The following SSBP2 variants were observed in gnomAD, a reference collection of about 807,000 sequenced individuals.
The protein encoded by SSBP2 is single stranded DNA binding protein 2, also known as single-stranded DNA-binding protein 2.
Under a neutral mutation model 61.8 loss-of-function variants are expected in SSBP2, and 17 were observed. The ratio of observed to expected loss-of-function variants is 0.28; its 90% CI spans 0.19 to 0.41. The LOEUF is 0.41. SSBP2 is among the 10% of genes least tolerant of loss of function. SSBP2 has a pLI of 1.00. For synonymous variants in SSBP2, 139 were observed against 141.3 expected (o/e 0.98, Z 0.12); for missense variants, 310 against 458.7 (o/e 0.68, Z 2.96).
chr5:81,633,967 G>T (rs1304041599), intron 3 of SSBP2, among the ~76,000 whole-genome samples: 1 of 152,172 alleles, frequency 6.6e-6, no homozygotes, highest in Non-Finnish European at 1.5e-5. Context: ...TATAGAACTA[G>T]AGTGACATGG....
chr5:81,475,348 T>G (rs1408202995), intron 6 of SSBP2, among the ~76,000 whole-genome samples: 2 of 152,322 alleles, frequency 1.3e-5, no homozygotes, highest in Admixed American at 6.5e-5. Flanking sequence ...CATATGCAAC[T>G]ATTTCAAAAG....
intron 4 of SSBP2, among the ~76,000 whole-genome samples, chr5:81,585,807 C>T (rs1009423376): frequency 3.3e-5 from 5 of 152,096 alleles, no homozygotes; most frequent in African/African-American, 1.2e-4. Flanking sequence ...CAGCATCTCC[C>T]CAGTATCCCT....
intron 15 of SSBP2, among the ~76,000 whole-genome samples, chr5:81,429,875 AG>A (rs1762180652): frequency 6.6e-6 from 1 of 152,184 alleles, no homozygotes; most frequent in Admixed American, 6.5e-5. Flanking sequence ...TGCACCCCGC[AG>A]GGAGGATCTG....
chr5:81,517,645 T>C (rs1027044090), intron 4 of SSBP2, among the ~76,000 whole-genome samples: 1 of 152,048 alleles, frequency 6.6e-6, no homozygotes, highest in East Asian at 1.9e-4. Context: ...TATATCATTC[T>C]ACCCTCTAAG....
At chr5:81,574,637 G>T (rs1774070523) in intron 4 of SSBP2, among the ~76,000 whole-genome samples, 1 of 151,818 alleles carries the variant, frequency 6.6e-6, no homozygotes, top group African/African-American at 2.4e-5. Flanking sequence ...CCTAGTCACA[G>T]AAAGGTAAAA....
chr5:81,636,728 T>A (rs934549799), intron 2 of SSBP2, 110 bp from the exon 3 acceptor site: 2 of 886,734 alleles, frequency 2.3e-6, no homozygotes, highest in Admixed American at 2.8e-5. Flanking sequence ...GAATTTTTCA[T>A]CATTTTCATG....
At chr5:81,597,425 T>C (rs1561585173) in intron 4 of SSBP2, among the ~76,000 whole-genome samples, 1 of 152,166 alleles carries the variant, frequency 6.6e-6, no homozygotes, top group Non-Finnish European at 1.5e-5. Flanking sequence ...GTAAACTAGT[T>C]CAACCATTGT....
At chr5:81,712,859 G>A (rs1019004601) in intron 1 of SSBP2, among the ~76,000 whole-genome samples, 2 of 151,668 alleles carry the variant, frequency 1.3e-5, no homozygotes, top group South Asian at 4.2e-4. Flanking sequence ...CAGCCTCTGG[G>A]ACTACAGGTA....
At chr5:81,469,625 C>T (rs916950676) in intron 8 of SSBP2, among the ~76,000 whole-genome samples, 1 of 151,878 alleles carries the variant, frequency 6.6e-6, no homozygotes, top group African/African-American at 2.4e-5. Flanking sequence ...TTTGTATACC[C>T]AGTGTTCATG....
At chr5:81,439,862 G>A (rs976233072) in intron 14 of SSBP2, among the ~76,000 whole-genome samples, 2 of 151,648 alleles carry the variant, frequency 1.3e-5, no homozygotes, top group Admixed American at 6.6e-5. Context: ...TAGTAGAGAC[G>A]GGGTTTCACC....
Position 81,433,045 on chromosome 5 carries a change from C to T in SSBP2, c.958-4362G>A, listed in dbSNP as rs1248414064. Among the ~76,000 whole-genome samples, 357 of 151,244 alleles carry T rather than the reference C, an allele frequency of 2.4e-3. 1 individual carries two copies. Among genetic ancestry groups the T allele is most frequent in the African/African-American group, 8.2e-3 (336 of 41,206 alleles). On this transcript the variant is annotated intron_variant, in intron 15 of 16. Transcript: ENST00000320672. Reference sequence around the variant, plus strand: ...CCGGGAGGTGAGGGGCGCCTCTGCCCGGCCGCCCCTACTGGGAAGTGAGGA... The same window carrying T: ...CCGGGAGGTGAGGGGCGCCTCTGCCTGGCCGCCCCTACTGGGAAGTGAGGA...
chr5:81,449,577 T>G (rs983031361), intron 10 of SSBP2, among the ~76,000 whole-genome samples: 4 of 152,158 alleles, frequency 2.6e-5, no homozygotes, highest in Admixed American at 2.0e-4. Context: ...AGGGCCAGAA[T>G]AGGACCTTTA....
At chr5:81,433,004 C>T (rs536816579) in intron 15 of SSBP2, among the ~76,000 whole-genome samples, 101 of 151,344 alleles carry the variant, frequency 6.7e-4, no homozygotes, top group Admixed American at 1.2e-3. Flanking sequence ...GACTCCCGCC[C>T]GGCCAGCCGC....
intron 1 of SSBP2, among the ~76,000 whole-genome samples, chr5:81,738,271 C>T (rs897639892): frequency 6.6e-6 from 1 of 152,168 alleles, no homozygotes; most frequent in Non-Finnish European, 1.5e-5. Context: ...CAAATTTACA[C>T]ATTTAGGATA....
At chr5:81,587,781 ACACT>A (rs2153502171) in intron 4 of SSBP2, among the ~76,000 whole-genome samples, 1 of 151,732 alleles carries the variant, frequency 6.6e-6, no homozygotes, top group African/African-American at 2.4e-5. Flanking sequence ...ACACACACAC[ACACT>A]AATGCTTGAA....
At chr5:81,496,748 A>G (rs1383710356) in intron 5 of SSBP2, among the ~76,000 whole-genome samples, 2 of 152,218 alleles carry the variant, frequency 1.3e-5, no homozygotes, top group Non-Finnish European at 2.9e-5. Context: ...TATGTAAAAG[A>G]AAACCGAAGA....
intron 1 of SSBP2, among the ~76,000 whole-genome samples, chr5:81,734,438 T>TA (rs1756462558): frequency 6.6e-6 from 1 of 152,300 alleles, no homozygotes; most frequent in East Asian, 1.9e-4. Context: ...ACACAATTCT[T>TA]AAACATTTCA....
intron 4 of SSBP2, among the ~76,000 whole-genome samples, chr5:81,523,836 T>A (rs2154097246): frequency 6.6e-6 from 1 of 152,030 alleles, no homozygotes; most frequent in African/African-American, 2.4e-5. Flanking sequence ...TAAAATAACC[T>A]TAAAGAGCAT....
Position 81,650,818 on chromosome 5 carries a change from T to C in SSBP2, c.63-479A>G, listed in dbSNP as rs139471438. Among the ~76,000 whole-genome samples the C allele has an allele frequency of 4.9e-3, 746 of 152,264 alleles. 4 individuals are homozygous for C. The highest frequency in any genetic ancestry group is 0.017 in the African/African-American group (697 of 41,568). ...TTGCGTTGAATATCCATTTTAATAT[T>C]TGCTCAGCAACTTCTCCTTATTCTT... On this transcript the variant is annotated intron_variant, in intron 1 of 16. Transcript: ENST00000320672.
Sources: gnomAD v4.1 joint callset for allele counts (sites outside exome capture counted in the v4.1 genomes callset) on GRCh38, gnomAD v4.1.1 for gene constraint, MANE v1.5 for transcripts, NCBI Gene and HGNC (gene_info 2026-07-23, HGNC 2026-07-21) for gene names.